The following BPTF variants were observed in gnomAD, a reference collection of about 807,000 sequenced individuals.
The protein encoded by BPTF is nucleosome-remodeling factor subunit BPTF.
In BPTF, 18 loss-of-function variants were observed where a neutral mutation model predicts 292.5. The observed-to-expected ratio is 0.06, with a 90% CI of 0.04 to 0.09. BPTF has a LOEUF of 0.09. BPTF is among the 10% of genes least tolerant of loss of function. The probability of loss-of-function intolerance (pLI) is 1.00; values close to 1 mark genes in which losing one functional copy is unlikely to be tolerated. For synonymous variants in BPTF, 1,225 were observed against 1,251.9 expected (o/e 0.98, Z 0.45); for missense variants, 2,726 against 3,498.7 (o/e 0.78, Z 5.57).
intron 1 of BPTF, among the ~76,000 whole-genome samples, chr17:67,844,460 T>G (rs190684107): frequency 7.3e-4 from 111 of 151,386 alleles, no homozygotes; most frequent in East Asian, 3.1e-3. Context: ...TGTTAGCCAG[T>G]ATGGTCTCGA....
chr17:67,969,448 TC>T (rs1442358108), intron 26 of BPTF, among the ~76,000 whole-genome samples: 2 of 69,440 alleles, frequency 2.9e-5, no homozygotes, highest in Non-Finnish European at 5.4e-5. Context: ...AAAAACTCTG[TC>T]TCCAAAAAAA....
In BPTF at chr17:67,923,297, A is replaced by G. The variant is rs894116858; in HGVS notation, c.5708+307A>G. ...GATCTTGAACTCCTGGGCTCAAGCA[A>G]TCCACCCAACTTGGCCTCCCAAAGT... On this transcript the variant is annotated intron_variant, in intron 14 of 27. Coordinates refer to ENST00000306378, the MANE Select transcript of BPTF (RefSeq NM_182641.4). Among the ~76,000 whole-genome samples, 5 of 151,820 alleles carry G rather than the reference A, an allele frequency of 3.3e-5. No homozygotes were observed. The South Asian group carries it at 6.2e-4, about 19-fold the overall frequency.
chr17:67,860,316 ACTC>A (rs2058999246), intron 2 of BPTF, among the ~76,000 whole-genome samples: 1 of 152,058 alleles, frequency 6.6e-6, no homozygotes, highest in Admixed American at 6.6e-5. Flanking sequence ...TTATATGTGG[ACTC>A]CTCATGATAG....
At position 67,945,527 on chromosome 17, in the gene BPTF, T is replaced by G. The variant is rs200425015; in HGVS notation, c.6819T>G (p.Ala2273=). Reference sequence around the variant, plus strand: ...CAGCAGAAGCCCAGCCACAGACTGCTCAGCCTTCAGCTCAGCCCCAGCCCC... The same window carrying G: ...CAGCAGAAGCCCAGCCACAGACTGCGCAGCCTTCAGCTCAGCCCCAGCCCC... ...VGPAEAQPQT[A]QPSAQPQPQT... The change falls in exon 21 of 28, where the codon GCT becomes GCG. Residue 2273 remains alanine (A), a synonymous_variant. Coordinates refer to ENST00000306378, the MANE Select transcript of BPTF (RefSeq NM_182641.4). 1.9e-6 allele frequency: 3 copies of G among 1,613,726 alleles called. No individual in the cohort carries two copies. In the Admixed American group the frequency reaches 5.0e-5, roughly 27 times the overall value.
intron 12 of BPTF, among the ~76,000 whole-genome samples, chr17:67,919,199 A>G (rs917861271): frequency 1.4e-5 from 2 of 145,518 alleles, no homozygotes; most frequent in African/African-American, 5.1e-5. Flanking sequence ...AATAATAATA[A>G]TAATAATAAT....
chr17:67,924,672 A>C lies in BPTF; in HGVS notation c.5751+83A>C, dbSNP rs1488068706. On this transcript the variant is annotated intron_variant, in intron 15 of 27. Transcript: ENST00000306378. The stretch of plus-strand genomic sequence containing the variant: ...CAAAAGCACTTGACCTCCCATCAGC[A>C]GGGGGAGTTGGTGCTGGTCCCACTT... 3 of 1,489,570 alleles carry C rather than the reference A, an allele frequency of 2.0e-6. No homozygotes were observed. In the African/African-American group the frequency reaches 4.2e-5, roughly 21 times the overall value. The allele number at this position is 1,489,570 out of a possible 1,614,324, so 92.3% of individuals were successfully genotyped here. A position where few individuals can be genotyped will look rare whatever the true frequency, so the allele number is the denominator to read the frequency against.
intron 17 of BPTF, among the ~76,000 whole-genome samples, 163 bp downstream of exon 17, chr17:67,929,650 G>C (rs1358250634): frequency 6.6e-6 from 1 of 152,178 alleles, no homozygotes; most frequent in East Asian, 1.9e-4. Context: ...TCTGATAAGT[G>C]AAAATGATAC....
intron 7 of BPTF, among the ~76,000 whole-genome samples, chr17:67,899,533 CTTTTTTTTTTT>C (rs573598642): frequency 7.4e-6 from 1 of 135,086 alleles, no homozygotes; most frequent in African/African-American, 2.8e-5. Context: ...AGTTTTTTTT[CTTTTTTTTTTT>C]TTTTTGAGAC....
chr17:67,933,464 T>A (rs1390670266), intron 18 of BPTF, among the ~76,000 whole-genome samples: 2 of 150,456 alleles, frequency 1.3e-5, no homozygotes, highest in East Asian at 3.9e-4. Flanking sequence ...AGCTACTTGG[T>A]AGGCTGAGAT....
rs368691105 is a variant in BPTF at position 67,904,856 on chromosome 17, T to G, written c.2812+16T>G. 9.4e-6 allele frequency: 15 copies of G among 1,597,970 alleles called. No homozygotes were observed. The highest frequency in any genetic ancestry group is 1.3e-5 in the African/African-American group (1 of 74,576). On this transcript the variant is annotated intron_variant, in intron 9 of 27. Coordinates refer to ENST00000306378, the MANE Select transcript of BPTF (RefSeq NM_182641.4). ...TTAGAAGGAAGTAAGTAATTAAAAT[T>G]ACATGTCCTGCATAATCGTTTCTGC...
intron 1 of BPTF, among the ~76,000 whole-genome samples, chr17:67,840,459 TTG>T (rs770242305): frequency 0.012 from 907 of 78,092 alleles, 4 homozygotes; most frequent in Middle Eastern, 0.034. Flanking sequence ...GCTGCTCCTC[TTG>T]TTGTTGTTGT....
intron 18 of BPTF, among the ~76,000 whole-genome samples, chr17:67,933,990 G>T (rs577971547): frequency 2.6e-5 from 4 of 152,152 alleles, no homozygotes; most frequent in Non-Finnish European, 4.4e-5. Context: ...GTTGCCGTGA[G>T]CTGAGACCCT....
intron 1 of BPTF, among the ~76,000 whole-genome samples, 186 bp from the exon 2 acceptor site, chr17:67,853,754 C>T (rs1367936505): frequency 6.6e-6 from 1 of 151,946 alleles, no homozygotes; most frequent in Admixed American, 6.6e-5. Context: ...AATGGGAAAA[C>T]TTTGCATTTA....
Position 67,959,584 on chromosome 17 carries a change from T to G in BPTF, c.7970T>G (p.Leu2657Arg). 1 of 1,540,584 alleles carries G rather than the reference T, an allele frequency of 6.5e-7. No individual in the cohort carries two copies. Among genetic ancestry groups the G allele is most frequent in the Non-Finnish European group, 8.7e-7 (1 of 1,150,742 alleles). Residue 2657 changes from leucine to arginine, a missense_variant, in exon 24 of 28, where the codon CTG becomes CGG. Coordinates refer to ENST00000306378, the MANE Select transcript of BPTF (RefSeq NM_182641.4). ...CTGAAAATTAAGAAAGAAAAAGACC[T>G]GATGCAGTTGGCTCAGGCCACAGCA... Reference protein sequence around the residue: ...RDLKIKKEKDLMQLAQATAVA... With the variant: ...RDLKIKKEKDRMQLAQATAVA...
At chr17:67,876,015 A>C (rs374246806) in intron 4 of BPTF, among the ~76,000 whole-genome samples, 3 of 152,142 alleles carry the variant, frequency 2.0e-5, no homozygotes, top group East Asian at 3.8e-4. Context: ...TTATCACCAG[A>C]CCATAGTGGC....
chr17:67,911,732 C>T lies in BPTF; in HGVS notation c.3848C>T (p.Ser1283Phe). 5 of 1,614,166 alleles carry T rather than the reference C, an allele frequency of 3.1e-6. No individual in the cohort carries two copies. Among genetic ancestry groups the T allele is most frequent in the Non-Finnish European group, 4.2e-6 (5 of 1,180,028 alleles). ...MDFEGKLGCD[S>F]ESNSTLENSS... ...TTTGAAGGAAAACTGGGATGTGACT[C>T]TGAATCTAATAGCACTTTGGAAAAT... Residue 1283 changes from serine (S) to phenylalanine (F), a missense_variant, in exon 11 of 28, where the codon TCT (serine) becomes TTT (phenylalanine). By Grantham distance (155) the Ser-to-Phe change is radical. This residue lies in a region of BPTF where 713 missense variants were observed against 714.9 expected (regional missense o/e 1.00). Transcript: ENST00000306378.
intron 15 of BPTF, among the ~76,000 whole-genome samples, chr17:67,926,107 A>G (rs1335740299): frequency 2.1e-5 from 3 of 141,078 alleles, no homozygotes; most frequent in Non-Finnish European, 4.5e-5. Flanking sequence ...TCCTGGGCTC[A>G]AGCAATCTAC....
At chr17:67,876,723 T>C (rs1331149880) in intron 4 of BPTF, among the ~76,000 whole-genome samples, 4 of 152,218 alleles carry the variant, frequency 2.6e-5, no homozygotes, top group African/African-American at 9.6e-5. Context: ...GGAGGATCAC[T>C]TGAACCCACG....
At chr17:67,857,310 G>A (rs1369171573) in intron 2 of BPTF, among the ~76,000 whole-genome samples, 2 of 151,592 alleles carry the variant, frequency 1.3e-5, no homozygotes, top group South Asian at 2.1e-4. Context: ...ACAGGTGCCC[G>A]CCACCGTGCC....
Sources: allele counts gnomAD v4.1 joint callset (sites outside exome capture counted in the v4.1 genomes callset), GRCh38; gene constraint gnomAD v4.1.1; regional missense constraint gnomAD v4.1.1; transcripts MANE v1.5; gene names NCBI Gene and HGNC (gene_info 2026-07-23, HGNC 2026-07-21).